Variants in MDFIC2 observed in about 807,000 individuals in gnomAD.
The protein encoded by MDFIC2 is myoD family inhibitor domain-containing protein 2.
intron 2 of MDFIC2, among the ~76,000 whole-genome samples, chr3:70,277,811 G>A (rs1447241917): frequency 3.9e-5 from 6 of 152,032 alleles, no homozygotes; most frequent in African/African-American, 1.2e-4. Flanking sequence ...TATACAAATG[G>A]TTGTTGAGAT....
chr3:70,262,640 T>C (rs1269467286), intron 2 of MDFIC2, among the ~76,000 whole-genome samples: 11 of 152,202 alleles, frequency 7.2e-5, no homozygotes, highest in Non-Finnish European at 2.9e-5. Context: ...CAAGCAGTCA[T>C]TGACTCTCAA....
intron 2 of MDFIC2, among the ~76,000 whole-genome samples, chr3:70,250,409 TCTCACACACACA>T (rs748262344): frequency 4.4e-4 from 56 of 126,344 alleles, no homozygotes; most frequent in South Asian, 9.5e-4. Flanking sequence ...TTTTAATGAA[TCTCACACACACA>T]CACACACACA....
At chr3:70,224,727 T>A (rs914745348) in intron 2 of MDFIC2, among the ~76,000 whole-genome samples, 9 of 152,004 alleles carry the variant, frequency 5.9e-5, no homozygotes, top group Non-Finnish European at 1.0e-4. Context: ...GTTTTTTTTT[T>A]AATTCATTTA....
At chr3:70,205,643 G>C (rs1476738065) in intron 3 of MDFIC2, 3 of 151,996 alleles carry the variant, frequency 2.0e-5, no homozygotes, top group Non-Finnish European at 4.4e-5. Context: ...TTTAAAAAAC[G>C]TGTCCAGTAC....
chr3:70,223,024 G>A (rs1701474304), intron 2 of MDFIC2, among the ~76,000 whole-genome samples: 1 of 152,114 alleles, frequency 6.6e-6, no homozygotes, highest in Admixed American at 6.6e-5. Context: ...CTGTGAGTAT[G>A]AGTTAGGGGC....
chr3:70,255,425 AT>A (rs5849942), intron 2 of MDFIC2, among the ~76,000 whole-genome samples: 16,298 of 151,718 alleles, frequency 0.11, 1,046 homozygotes, highest in East Asian at 0.21. Context: ...TGATTCAGTA[AT>A]TTTTTTTTCT....
At chr3:70,211,554 TC>T in intron 2 of MDFIC2, among the ~76,000 whole-genome samples, 2 of 62,394 alleles carry the variant, frequency 3.2e-5, no homozygotes, top group Non-Finnish European at 6.8e-5. Flanking sequence ...TCCCTTCCCT[TC>T]CCTTTGCCCT....
chr3:70,312,452 T>G (rs573178728), intron 1 of MDFIC2, 99 bp downstream of exon 1: 6 of 152,290 alleles, frequency 3.9e-5, no homozygotes, highest in African/African-American at 1.4e-4. Context: ...TCCCTGAAGG[T>G]GTTGACGAGA....
chr3:70,271,360 T>C (rs1157902822), intron 2 of MDFIC2, among the ~76,000 whole-genome samples: 1 of 152,122 alleles, frequency 6.6e-6, no homozygotes, highest in Non-Finnish European at 1.5e-5. Context: ...CTCACCTCCA[T>C]TGGTGAGCTC....
intron 2 of MDFIC2, among the ~76,000 whole-genome samples, chr3:70,304,160 C>A (rs1702377990): frequency 6.6e-6 from 1 of 152,166 alleles, no homozygotes; most frequent in African/African-American, 2.4e-5. Context: ...GAATCCCAGC[C>A]TTCTCTTGGG....
intron 2 of MDFIC2, among the ~76,000 whole-genome samples, chr3:70,310,917 AT>A (rs1702448669): frequency 6.6e-6 from 1 of 152,120 alleles, no homozygotes; most frequent in Non-Finnish European, 1.5e-5. Flanking sequence ...CAATTTTGTA[AT>A]TTTAGGCAAG....
At chr3:70,203,235 T>C (rs919095134) in intron 3 of MDFIC2, among the ~76,000 whole-genome samples, 2 of 152,122 alleles carry the variant, frequency 1.3e-5, no homozygotes, top group Non-Finnish European at 2.9e-5. Flanking sequence ...TACATTAATA[T>C]GTTATCACAG....
chr3:70,253,239 A>G (rs1020251974), intron 2 of MDFIC2, among the ~76,000 whole-genome samples: 1 of 152,194 alleles, frequency 6.6e-6, no homozygotes, highest in Non-Finnish European at 1.5e-5. Flanking sequence ...CTTTTAGTGA[A>G]GTCCTGAAAG....
At chr3:70,306,216 G>T (rs1702398760) in intron 2 of MDFIC2, among the ~76,000 whole-genome samples, 3 of 152,138 alleles carry the variant, frequency 2.0e-5, no homozygotes, top group African/African-American at 2.4e-5. Flanking sequence ...TGATTCTCCT[G>T]CCTCAGACTC....
At chr3:70,285,832 G>A (rs1304221059) in intron 2 of MDFIC2, among the ~76,000 whole-genome samples, 1 of 152,100 alleles carries the variant, frequency 6.6e-6, no homozygotes, top group Non-Finnish European at 1.5e-5. Flanking sequence ...TTAATCATGT[G>A]TTTTTTGGCT....
chr3:70,221,163 C>A (rs991702765), intron 2 of MDFIC2, among the ~76,000 whole-genome samples: 1 of 151,974 alleles, frequency 6.6e-6, no homozygotes, highest in East Asian at 1.9e-4. Flanking sequence ...TGGAATAAAC[C>A]GTAGATGTCA....
intron 2 of MDFIC2, among the ~76,000 whole-genome samples, chr3:70,235,209 T>C (rs562913508): frequency 6.6e-6 from 1 of 152,320 alleles, no homozygotes; most frequent in African/African-American, 2.4e-5. Context: ...AAGATGTGTC[T>C]TCATCAACCG....
At chr3:70,286,378 G>T (rs1702162920) in intron 2 of MDFIC2, among the ~76,000 whole-genome samples, 1 of 151,904 alleles carries the variant, frequency 6.6e-6, no homozygotes, top group Non-Finnish European at 1.5e-5. Context: ...TAGATATGTG[G>T]CATTATTTCT....
intron 2 of MDFIC2, among the ~76,000 whole-genome samples, chr3:70,241,731 G>C (rs925062756): frequency 6.6e-6 from 1 of 152,092 alleles, no homozygotes; most frequent in African/African-American, 2.4e-5. Flanking sequence ...CTACTAAGGC[G>C]TCTAATGTCT....
Sources: gnomAD v4.1 joint callset for allele counts (sites outside exome capture counted in the v4.1 genomes callset) on GRCh38, gnomAD v4.1.1 for gene constraint, MANE v1.5 for transcripts, NCBI Gene and HGNC (gene_info 2026-07-23, HGNC 2026-07-21) for gene names.